Variants in GRIK4 observed in about 807,000 individuals in gnomAD.
GRIK4 encodes the protein glutamate receptor ionotropic, kainate 4.
Under a neutral mutation model 104.9 loss-of-function variants are expected in GRIK4, and 40 were observed. That is an observed-to-expected ratio of 0.38 (90% CI 0.30 to 0.50). The LOEUF is 0.50. Among genes scored for constraint, GRIK4 ranks in the 20% least tolerant of loss-of-function variants. The pLI, the probability that GRIK4 is intolerant of heterozygous loss-of-function variation, is 0.93. For synonymous variants in GRIK4, 485 were observed against 524.9 expected (o/e 0.92, Z 1.04); for missense variants, 1,047 against 1,308.1 (o/e 0.80, Z 3.08).
chr11:120,655,974 A>C (rs1949703480), intron 2 of GRIK4, among the ~76,000 whole-genome samples: 1 of 152,146 alleles, frequency 6.6e-6, no homozygotes, highest in Non-Finnish European at 1.5e-5. Flanking sequence ...TGTAGATGTC[A>C]ATGCCACAGC....
At chr11:120,616,440 C>G (rs188985773) in intron 1 of GRIK4, among the ~76,000 whole-genome samples, 1 of 152,174 alleles carries the variant, frequency 6.6e-6, no homozygotes, top group Non-Finnish European at 1.5e-5. Context: ...TCAAATTGGC[C>G]GTGACAGACA....
chr11:120,828,710 G>A (rs181291690), intron 6 of GRIK4, among the ~76,000 whole-genome samples: 158 of 152,264 alleles, frequency 1.0e-3, no homozygotes, highest in Non-Finnish European at 1.4e-3. Flanking sequence ...GCGGGATGCG[G>A]ACCTCCCAGA....
Position 120,752,915 on chromosome 11 carries a change from G to A in GRIK4, c.83-49778G>A, listed in dbSNP as rs111986245. Among the ~76,000 whole-genome samples, 960 of 152,374 alleles carry A rather than the reference G, an allele frequency of 6.3e-3. 13 individuals are homozygous for A. In the East Asian group the frequency reaches 0.064, roughly 10 times the overall value. On this transcript the variant is annotated intron_variant, in intron 3 of 20. Transcript: ENST00000527524. ...AGGAGGCTCCCTCCAAGCGAGGGAC[G>A]GAGGCAGGAGAGCACAGCCGTGGGC...
At position 120,711,153 on chromosome 11, in the gene GRIK4, T is replaced by C. The variant is rs111947854; in HGVS notation, c.82+50753T>C. 8.5e-3 allele frequency among the ~76,000 whole-genome samples: 1,298 copies of C among 152,294 alleles called. 18 individuals carry two copies. Among genetic ancestry groups the C allele is most frequent in the African/African-American group, 0.029 (1,221 of 41,564 alleles). On this transcript the variant is annotated intron_variant, in intron 3 of 20. Coordinates refer to ENST00000527524, the MANE Select transcript of GRIK4 (RefSeq NM_014619.5). ...CACAGCTTGTTATGTCAGGAAAGCG[T>C]GCCTTCCTCGAGAGACATCAAATAC...
At chr11:120,907,333 A>C (rs932970507) in intron 13 of GRIK4, among the ~76,000 whole-genome samples, 1 of 152,104 alleles carries the variant, frequency 6.6e-6, no homozygotes, top group Non-Finnish European at 1.5e-5. Context: ...CCATCTCCTT[A>C]TTAGCCCCCT....
At chr11:120,924,441 A>G (rs1943296092) in intron 13 of GRIK4, among the ~76,000 whole-genome samples, 1 of 152,126 alleles carries the variant, frequency 6.6e-6, no homozygotes, top group Non-Finnish European at 1.5e-5. Flanking sequence ...ATATATTGAA[A>G]TAGACATATA....
intron 20 of GRIK4, 60 bp from the exon 21 acceptor site, chr11:120,985,844 C>T: frequency 2.0e-6 from 3 of 1,501,838 alleles, no homozygotes; most frequent in South Asian, 2.4e-5. Context: ...CCAGCGGACT[C>T]GCAGGGGGCC....
chr11:120,684,352 C>T (rs775394128), intron 3 of GRIK4, among the ~76,000 whole-genome samples: 10 of 152,014 alleles, frequency 6.6e-5, no homozygotes, highest in Non-Finnish European at 1.2e-4. Flanking sequence ...GAAATCAAAG[C>T]GAAACAAATG....
intron 3 of GRIK4, among the ~76,000 whole-genome samples, chr11:120,794,514 T>G (rs1345574879): frequency 2.0e-5 from 3 of 151,818 alleles, no homozygotes; most frequent in Non-Finnish European, 2.9e-5. Context: ...ACGAGGTTGT[T>G]AGGTTTGTCC....
chr11:120,879,002 G>C lies in GRIK4; in HGVS notation c.1164+3759G>C, dbSNP rs1023029354. On this transcript the variant is annotated intron_variant, in intron 11 of 20. Transcript: ENST00000527524. ...TTTTTGCATACCAGACACCACATGC[G>C]CACTTTGCACAAATCACTTCCAATC... Among the ~76,000 whole-genome samples the C allele has an allele frequency of 4.2e-4, 64 of 152,242 alleles. 1 individual carries two copies. Among genetic ancestry groups the C allele is most frequent in the African/African-American group, 1.4e-3 (57 of 41,524 alleles).
chr11:120,677,424 G>A (rs2135278556), intron 3 of GRIK4, among the ~76,000 whole-genome samples: 1 of 150,352 alleles, frequency 6.7e-6, no homozygotes, highest in Non-Finnish European at 1.5e-5. Context: ...GCTTTAAGAA[G>A]CAATGTGATG....
rs72064502 is a variant in GRIK4 at position 120,957,591 on chromosome 11, A to ATGTGTGTGTG, written c.1874+664_1874+673dup. 9.3e-3 allele frequency among the ~76,000 whole-genome samples: 1,275 copies of ATGTGTGTGTG among 136,514 alleles called. 25 individuals carry two copies. The highest frequency in any genetic ancestry group is 0.024 in the African/African-American group (818 of 34,270). 89.6% of individuals were successfully genotyped at this position (136,514 alleles called of 152,430 possible). On this transcript the variant is annotated intron_variant, in intron 16 of 20. Transcript: ENST00000527524. ...TGGGGGCAAAGGAAAGACAAAACAA[A>ATGTGTGTGTG]TGTGTGTGTGTGTGTGTGTGTGTGT...
intron 3 of GRIK4, among the ~76,000 whole-genome samples, chr11:120,713,931 G>T (rs553085488): frequency 1.3e-5 from 2 of 152,310 alleles, no homozygotes; most frequent in East Asian, 3.9e-4. Context: ...GTCATGAATA[G>T]AATTGGGGCT....
chr11:120,918,854 G>A (rs1348326795), intron 13 of GRIK4, among the ~76,000 whole-genome samples: 2 of 152,206 alleles, frequency 1.3e-5, no homozygotes, highest in Non-Finnish European at 2.9e-5. Context: ...GAGAATTGTC[G>A]CCAGTGTTTA....
chr11:120,636,846 A>G (rs7121448), intron 1 of GRIK4, among the ~76,000 whole-genome samples: 1 of 152,176 alleles, frequency 6.6e-6, no homozygotes, highest in Non-Finnish European at 1.5e-5. Context: ...TCTCAAAAAA[A>G]AAAGAAAGGA....
intron 18 of GRIK4, among the ~76,000 whole-genome samples, chr11:120,963,967 T>TTGTA (rs1944337259): frequency 1.2e-5 from 1 of 80,700 alleles, no homozygotes; most frequent in Non-Finnish European, 2.5e-5. Context: ...TTTCCTATGT[T>TTGTA]TTTATTTATT....
At chr11:120,793,945 A>T (rs930750395) in intron 3 of GRIK4, among the ~76,000 whole-genome samples, 1 of 143,934 alleles carries the variant, frequency 6.9e-6, no homozygotes, top group Non-Finnish European at 1.5e-5. Context: ...GAGCAGGTAG[A>T]TGGTTTGAGG....
At chr11:120,891,192 T>C (rs1339578269) in intron 11 of GRIK4, among the ~76,000 whole-genome samples, 1 of 152,166 alleles carries the variant, frequency 6.6e-6, no homozygotes, top group East Asian at 1.9e-4. Flanking sequence ...CAGGTGAGCC[T>C]GTGGGCCTCC....
chr11:120,686,265 T>G (rs1003007995), intron 3 of GRIK4, among the ~76,000 whole-genome samples: 64 of 152,332 alleles, frequency 4.2e-4, no homozygotes, highest in African/African-American at 1.3e-3. Flanking sequence ...CTGCTTAGAA[T>G]ATCCATTTTT....
Sources: allele counts gnomAD v4.1 joint callset (sites outside exome capture counted in the v4.1 genomes callset), GRCh38; gene constraint gnomAD v4.1.1; transcripts MANE v1.5; gene names NCBI Gene and HGNC (gene_info 2026-07-23, HGNC 2026-07-21).